Variants in PANX1 observed in about 807,000 individuals in gnomAD.
PANX1 encodes the protein pannexin-1.
A neutral mutation model predicts 38.7 loss-of-function variants in PANX1; 30 were observed. The observed-to-expected ratio is 0.78, with a 90% CI of 0.58 to 1.05. PANX1 has a LOEUF of 1.05. Ranked by LOEUF, PANX1 falls within the 50% of genes least tolerant of loss-of-function variation. The pLI is 0.00. For missense variants in PANX1, 551 were observed against 517.2 expected (o/e 1.07, Z -0.63); for synonymous variants, 230 against 212.2 (o/e 1.08, Z -0.73).
At chr11:94,135,542 A>G (rs982802590) in intron 1 of PANX1, among the ~76,000 whole-genome samples, 2 of 152,306 alleles carry the variant, frequency 1.3e-5, no homozygotes, top group Non-Finnish European at 2.9e-5. Flanking sequence ...GAGTGGGCCA[A>G]TATTTAGGGT....
chr11:94,138,766 T>TA (rs1189493436), intron 1 of PANX1, among the ~76,000 whole-genome samples: 1 of 152,210 alleles, frequency 6.6e-6, no homozygotes, highest in Non-Finnish European at 1.5e-5. Context: ...TTATGCCCAT[T>TA]AACCATCCCC....
chr11:94,143,666 G>C, intron 1 of PANX1, among the ~76,000 whole-genome samples: 1 of 151,764 alleles, frequency 6.6e-6, no homozygotes, highest in East Asian at 1.9e-4. Context: ...CAACATTCAG[G>C]AATAAAGACT....
intron 1 of PANX1, among the ~76,000 whole-genome samples, chr11:94,143,779 C>A (rs894438349): frequency 3.3e-5 from 5 of 150,566 alleles, no homozygotes; most frequent in African/African-American, 1.2e-4. Flanking sequence ...GACAGTGTCT[C>A]TCTATATTGC....
intron 2 of PANX1, among the ~76,000 whole-genome samples, chr11:94,170,222 A>G (rs1280041419): frequency 1.3e-5 from 2 of 151,344 alleles, no homozygotes; most frequent in Non-Finnish European, 1.5e-5. Context: ...CCATTTCCCC[A>G]TCCCCCCAGC....
chr11:94,140,951 G>A (rs1946755006), intron 1 of PANX1, among the ~76,000 whole-genome samples: 1 of 151,998 alleles, frequency 6.6e-6, no homozygotes, highest in African/African-American at 2.4e-5. Context: ...TCATTTCATA[G>A]TAGATGACTG....
chr11:94,130,780 T>A (rs1946621007), intron 1 of PANX1, among the ~76,000 whole-genome samples: 1 of 152,074 alleles, frequency 6.6e-6, no homozygotes, highest in Non-Finnish European at 1.5e-5. Context: ...GCGGAGGTTG[T>A]ATGTCTGGGT....
chr11:94,177,716 T>C (rs1264672814), intron 2 of PANX1, among the ~76,000 whole-genome samples: 1 of 148,466 alleles, frequency 6.7e-6, no homozygotes, highest in Non-Finnish European at 1.5e-5. Context: ...GCTCTCCTCT[T>C]GATTCCCTTG....
chr11:94,160,892 C>T (rs994989825), intron 2 of PANX1, among the ~76,000 whole-genome samples: 7 of 152,134 alleles, frequency 4.6e-5, no homozygotes, highest in African/African-American at 1.7e-4. Context: ...TTAGTGCTTC[C>T]TTCAGGAGCT....
At chr11:94,129,743 G>T (rs1043980609) in intron 1 of PANX1, among the ~76,000 whole-genome samples, 5 of 152,170 alleles carry the variant, frequency 3.3e-5, no homozygotes, top group African/African-American at 2.4e-5. Context: ...ATCGGACTGT[G>T]GCTTATAGTT....
intron 2 of PANX1, among the ~76,000 whole-genome samples, chr11:94,158,068 A>T (rs1946976862): frequency 6.6e-6 from 1 of 151,966 alleles, no homozygotes; most frequent in Admixed American, 6.5e-5. Context: ...ATGTGGCATT[A>T]TTTCTGAGGG....
At chr11:94,136,091 A>C (rs1946685604) in intron 1 of PANX1, among the ~76,000 whole-genome samples, 1 of 152,204 alleles carries the variant, frequency 6.6e-6, no homozygotes, top group Non-Finnish European at 1.5e-5. Context: ...TCCTCCCAGC[A>C]TTAAAAGGAA....
At chr11:94,160,067 G>T (rs188318866) in intron 2 of PANX1, among the ~76,000 whole-genome samples, 22 of 152,118 alleles carry the variant, frequency 1.4e-4, no homozygotes, top group African/African-American at 5.1e-4. Context: ...CTGAATTCTA[G>T]TTTGATTGCA....
intron 2 of PANX1, 130 bp from the exon 3 acceptor site, chr11:94,178,239 T>C (rs755813137): frequency 1.5e-5 from 10 of 676,680 alleles, no homozygotes; most frequent in African/African-American, 1.4e-4. Context: ...GAAGTAGTTA[T>C]TAGGTAATGA....
chr11:94,144,399 C>T (rs1946802720), intron 1 of PANX1, among the ~76,000 whole-genome samples: 1 of 151,938 alleles, frequency 6.6e-6, no homozygotes, highest in Non-Finnish European at 1.5e-5. Flanking sequence ...TTTGATCTGG[C>T]CCTTTCCTTC....
intron 1 of PANX1, among the ~76,000 whole-genome samples, chr11:94,131,459 G>A (rs964472125): frequency 1.3e-5 from 2 of 152,244 alleles, no homozygotes; most frequent in Admixed American, 1.3e-4. Context: ...CCCTCTCCCT[G>A]CCCTGTGGCA....
intron 1 of PANX1, among the ~76,000 whole-genome samples, chr11:94,134,798 A>G (rs917967578): frequency 2.0e-5 from 3 of 152,030 alleles, no homozygotes; most frequent in Middle Eastern, 3.2e-3. Context: ...GCCATCTGCA[A>G]ACTAGGAAAA....
At position 94,129,432 on chromosome 11, in the gene PANX1, C is replaced by T; in HGVS notation, c.120C>T (p.Cys40=). The T allele has an allele frequency of 1.2e-6, 2 of 1,613,930 alleles. No homozygotes were observed. Among genetic ancestry groups the T allele is most frequent in the Middle Eastern group, 1.6e-4 (1 of 6,062 alleles). Residue 40 remains cysteine, a synonymous_variant, in exon 1 of 5, where the codon TGC becomes TGT. Coordinates refer to ENST00000227638, the MANE Select transcript of PANX1 (RefSeq NM_015368.4). The stretch of plus-strand genomic sequence containing the variant: ...TGGCTGTGGACAAGATGGTCACGTG[C>T]ATTGCGGTGGGGCTGCCCCTGCTGC... ...LELAVDKMVT[C]IAVGLPLLLI... is the part of the protein sequence containing the mutation.
intron 2 of PANX1, chr11:94,175,840 T>C (rs1287219049): frequency 3.0e-6 from 3 of 984,706 alleles, no homozygotes; most frequent in Admixed American, 6.2e-5. Flanking sequence ...TTAATACTTT[T>C]GAAACACCTC....
chr11:94,175,963 G>A (rs1947228007), intron 2 of PANX1: 1 of 897,492 alleles, frequency 1.1e-6, no homozygotes, highest in African/African-American at 1.8e-5. Context: ...GATTCCTTAT[G>A]TGGGTCTGTG....
Sources: gnomAD v4.1 joint callset for allele counts (sites outside exome capture counted in the v4.1 genomes callset) on GRCh38, gnomAD v4.1.1 for gene constraint, MANE v1.5 for transcripts, NCBI Gene and HGNC (gene_info 2026-07-23, HGNC 2026-07-21) for gene names.